Variants in TMTC4 observed in about 807,000 individuals in gnomAD.
TMTC4 encodes the protein protein O-mannosyl-transferase TMTC4.
In TMTC4, 65 loss-of-function variants were observed where a neutral mutation model predicts 86.0. That is an observed-to-expected ratio of 0.76 (90% CI 0.62 to 0.93). The LOEUF (loss-of-function observed/expected upper bound fraction) is 0.93. Among genes scored for constraint, TMTC4 ranks in the 40% least tolerant of loss-of-function variants. TMTC4 has a pLI of 0.00. For missense variants in TMTC4, 866 were observed against 948.1 expected (o/e 0.91, Z 1.14); for synonymous variants, 379 against 382.5 (o/e 0.99, Z 0.11).
At chr13:100,626,828 G>A (rs996425420) in intron 12 of TMTC4, among the ~76,000 whole-genome samples, 2 of 152,170 alleles carry the variant, frequency 1.3e-5, no homozygotes, top group Non-Finnish European at 1.5e-5. Context: ...GTAATAAGCA[G>A]AATGTTTATG....
chr13:100,626,372 C>G (rs1880547554), intron 12 of TMTC4, among the ~76,000 whole-genome samples: 1 of 152,204 alleles, frequency 6.6e-6, no homozygotes, highest in Non-Finnish European at 1.5e-5. Flanking sequence ...TGATACATCT[C>G]TAAAGCACAA....
chr13:100,665,062 T>C (rs1307335040), intron 3 of TMTC4, among the ~76,000 whole-genome samples: 2 of 152,102 alleles, frequency 1.3e-5, no homozygotes, highest in Admixed American at 6.5e-5. Flanking sequence ...AAGCAGACTA[T>C]GAAATCAGAA....
chr13:100,646,171 C>T (rs1883714181), intron 6 of TMTC4, among the ~76,000 whole-genome samples: 1 of 152,188 alleles, frequency 6.6e-6, no homozygotes, highest in African/African-American at 2.4e-5. Context: ...GGCTCTGATG[C>T]TCCCTAAAGG....
chr13:100,674,193 C>T, intron 1 of TMTC4: 1 of 950,058 alleles, frequency 1.1e-6, no homozygotes. Context: ...GGTGGCCCCG[C>T]GCTCGCGCCG....
chr13:100,632,524 A>C (rs1414881721), intron 12 of TMTC4, among the ~76,000 whole-genome samples: 1 of 152,230 alleles, frequency 6.6e-6, no homozygotes, highest in African/African-American at 2.4e-5. Flanking sequence ...AAGAAATTAA[A>C]TCACAGGCAA....
intron 12 of TMTC4, among the ~76,000 whole-genome samples, chr13:100,632,053 A>ACACACACACTCTCTCTCTCTCTCTCT (rs1296569630): frequency 2.3e-5 from 1 of 43,108 alleles, no homozygotes; most frequent in Non-Finnish European, 4.7e-5. Flanking sequence ...ACACACACAC[A>ACACACACACTCTCTCTCTCTCTCTCT]CTCTCTCTCT....
chr13:100,615,400 C>G (rs756656283), intron 15 of TMTC4, among the ~76,000 whole-genome samples: 7 of 151,230 alleles, frequency 4.6e-5, no homozygotes, highest in African/African-American at 1.7e-4. Flanking sequence ...CTCAGCCTCC[C>G]GAAGTGCTGG....
At chr13:100,649,138 GCAT>G in intron 6 of TMTC4, among the ~76,000 whole-genome samples, 1 of 152,110 alleles carries the variant, frequency 6.6e-6, no homozygotes, top group Non-Finnish European at 1.5e-5. Flanking sequence ...GTATATATGT[GCAT>G]GAATGATAAA....
rs1887607317 is a variant in TMTC4, at chr13:100,674,616, C to T, written c.-208+128G>A. ...CCCGGAACCAACTCCTCCAGCAGCGCCGCTCTGGCCCGGGCCGCCGTGCGG... is the reference window on the plus strand; with the variant it reads ...CCCGGAACCAACTCCTCCAGCAGCGTCGCTCTGGCCCGGGCCGCCGTGCGG... On this transcript the variant is annotated intron_variant, in intron 1 of 18. Coordinates refer to ENST00000342624, the MANE Select transcript of TMTC4 (RefSeq NM_032813.5). 3.1e-6 allele frequency: 3 copies of T among 982,758 alleles called. No homozygotes were observed. The East Asian group carries it at 3.5e-4, about 113-fold the overall frequency. 60.9% of individuals were successfully genotyped at this position (982,758 alleles called of 1,614,324 possible).
intron 16 of TMTC4, 62 bp from the exon 17 acceptor site, chr13:100,612,572 C>T: frequency 8.1e-7 from 1 of 1,236,822 alleles, no homozygotes; most frequent in Non-Finnish European, 1.2e-6. Flanking sequence ...TTTAGCTTCT[C>T]TCTATAACTA....
intron 4 of TMTC4, 54 bp from the exon 5 acceptor site, chr13:100,663,234 T>C: frequency 2.6e-6 from 4 of 1,524,808 alleles, no homozygotes; most frequent in East Asian, 4.5e-5. Flanking sequence ...CGGCAAGAAA[T>C]GGCAAAGGTC....
chr13:100,661,306 T>C (rs542298659), intron 5 of TMTC4, among the ~76,000 whole-genome samples: 8 of 152,372 alleles, frequency 5.3e-5, no homozygotes, highest in African/African-American at 1.7e-4. Flanking sequence ...TGTGAGTGTG[T>C]ACGTGTGTGT....
At position 100,606,572 on chromosome 13, in the gene TMTC4, C is replaced by CG. The variant is rs1250699718; in HGVS notation, c.2065-146dup. The CG allele has an allele frequency of 4.3e-5, 28 of 658,382 alleles. No individual in the cohort carries two copies. The Admixed American group carries it at 6.5e-4, about 15-fold the overall frequency. 40.8% of individuals were successfully genotyped at this position (658,382 alleles called of 1,614,324 possible). Reference sequence around the variant, plus strand: ...CTCCAGAAACACTCGGAAGGCCCAGCGGGGCCACGCTCTGCCAAAGAGAGG... The same window carrying CG: ...CTCCAGAAACACTCGGAAGGCCCAGCGGGGGCCACGCTCTGCCAAAGAGAGG... On this transcript the variant is annotated intron_variant, in intron 17 of 18. Transcript: ENST00000342624.
Position 100,636,659 on chromosome 13 carries a change from AC to A in TMTC4, c.1074del (p.Trp358CysfsTer17). 1.9e-6 allele frequency: 3 copies of A among 1,614,196 alleles called. No homozygotes were observed. Among genetic ancestry groups the A allele is most frequent in the Non-Finnish European group, 2.5e-6 (3 of 1,180,034 alleles). ...TTAATGAGGGGGATGCAGCCCATTG[AC>A]CAATCAAAACACAGCCACCAGGGAC... Reference protein sequence around the residue: ...LLCPWWLCFDWSMGCIPLIKS... With the variant: ...LLCPWWLCFDXSMGCIPLIKS... On this transcript the variant is annotated frameshift_variant, in exon 10 of 19. Coordinates refer to ENST00000342624, the MANE Select transcript of TMTC4 (RefSeq NM_032813.5). LOFTEE classifies it high-confidence loss of function.
chr13:100,612,780 T>C (rs1284594671), intron 16 of TMTC4, among the ~76,000 whole-genome samples: 1 of 152,090 alleles, frequency 6.6e-6, no homozygotes, highest in East Asian at 1.9e-4. Flanking sequence ...TGTAAAACCA[T>C]CTAAAACCTA....
At position 100,625,658 on chromosome 13, in the gene TMTC4, C is replaced by T. The variant is rs149664353; in HGVS notation, c.1713G>A (p.Ala571=). The change falls in exon 15 of 19, where the codon GCG becomes GCA. Residue 571 remains alanine, a synonymous_variant. Transcript: ENST00000342624. ...TCTGCACTATGCCTAGATTCATCCA[C>T]GCAGCGGCAAAGTCTGGCCTAGAGG... ...AVQIQPDFAA[A]WMNLGIVQNS... is the part of the protein sequence containing the mutation. 1.2e-4 allele frequency: 193 copies of T among 1,613,976 alleles called. No homozygotes were observed. The highest frequency in any genetic ancestry group is 1.4e-4 in the Non-Finnish European group (170 of 1,180,018).
Position 100,623,640 on chromosome 13 carries a change from G to GTTTTTTTTT in TMTC4, c.1836+1894_1836+1895insAAAAAAAAA, listed in dbSNP as rs71200708. Among the ~76,000 whole-genome samples the GTTTTTTTTT allele has an allele frequency of 1.6e-4, 15 of 96,166 alleles. 4 individuals carry two copies. Among genetic ancestry groups the GTTTTTTTTT allele is most frequent in the Admixed American group, 3.0e-4 (2 of 6,774 alleles). The allele number at this position is 96,166 out of a possible 152,430, so 63.1% of individuals were successfully genotyped here. ...GTCAGTTTTGGAAACTACTAGTTGG[G>GTTTTTTTTT]TTTTGTTTTTTTTTTTTTTTTTTTT... On this transcript the variant is annotated intron_variant, in intron 15 of 18. Transcript: ENST00000342624.
intron 5 of TMTC4, among the ~76,000 whole-genome samples, chr13:100,660,330 C>CAAAAA (rs56177115): frequency 3.8e-5 from 5 of 131,016 alleles, no homozygotes; most frequent in African/African-American, 6.1e-5. Flanking sequence ...GACTGTGTAT[C>CAAAAA]AAAAAAAAAA....
chr13:100,618,272 C>G lies in TMTC4; in HGVS notation c.1837-3842G>C, dbSNP rs147137144. On this transcript the variant is annotated intron_variant, in intron 15 of 18. Coordinates refer to ENST00000342624, the MANE Select transcript of TMTC4 (RefSeq NM_032813.5). ...GGGTTTTCTAGGTGTCGAATCACAC[C>G]GTCCATGAAGAGAGATAGCTTGACT... Among the ~76,000 whole-genome samples, 4 of 151,984 alleles carry G rather than the reference C, an allele frequency of 2.6e-5. No individual in the cohort carries two copies. The South Asian group carries it at 8.3e-4, about 32-fold the overall frequency.
Sources: gnomAD v4.1 joint callset for allele counts (sites outside exome capture counted in the v4.1 genomes callset) on GRCh38, gnomAD v4.1.1 for gene constraint, MANE v1.5 for transcripts, NCBI Gene and HGNC (gene_info 2026-07-23, HGNC 2026-07-21) for gene names.